TAAR2: variants seen among roughly 807,000 people sequenced by gnomAD.
TAAR2 encodes the protein trace amine associated receptor 2.
Under a neutral mutation model 25.5 loss-of-function variants are expected in TAAR2, and 30 were observed. The ratio of observed to expected loss-of-function variants is 1.18; its 90% CI spans 0.88 to 1.60. TAAR2 has a LOEUF of 1.60. Ranked by LOEUF, TAAR2 falls within the 40% of genes most tolerant of loss-of-function variation. The probability of loss-of-function intolerance (pLI) is 0.00; values close to 1 mark genes in which losing one functional copy is unlikely to be tolerated. For synonymous variants in TAAR2, 150 were observed against 142.4 expected (o/e 1.05, Z -0.38); for missense variants, 481 against 416.5 (o/e 1.15, Z -1.35).
rs1003630452 is a variant in TAAR2, at chr6:132,619,605, G to T, written c.61-1460C>A. 7.7e-4 allele frequency among the ~76,000 whole-genome samples: 117 copies of T among 152,102 alleles called. 2 individuals carry two copies. The highest frequency in any genetic ancestry group is 3.9e-4 in the Admixed American group (6 of 15,260). ...AGGAAAGGAAGAAGAAAGCATGAAG[G>T]TCAACCCTGCAGCAGAGATTCTACA... On this transcript the variant is annotated intron_variant, in intron 1 of 1. Transcript: ENST00000367931.
At position 132,618,048 on chromosome 6, in the gene TAAR2, G is replaced by T. The variant is rs1389203364; in HGVS notation, c.158C>A (p.Ser53Tyr). The T allele has an allele frequency of 6.2e-7, 1 of 1,613,982 alleles. No homozygotes were observed. The highest frequency in any genetic ancestry group is 8.5e-7 in the Non-Finnish European group (1 of 1,179,958). Reference sequence around the variant, plus strand: ...ATTGCCAAATATTGTGATGAATATGGATCCTGCCATAAATGAATACATAGC... The same window carrying T: ...ATTGCCAAATATTGTGATGAATATGTATCCTGCCATAAATGAATACATAGC... ...RVAMYSFMAGSIFITIFGNLA... is the reference protein window; with the variant it reads ...RVAMYSFMAGYIFITIFGNLA... Residue 53 changes from serine (S) to tyrosine (Y), a missense_variant, in exon 2 of 2, where the codon TCC becomes TAC. Transcript: ENST00000367931.
chr6:132,618,968 AG>A lies in TAAR2; in HGVS notation c.61-824del, dbSNP rs781635070. Among the ~76,000 whole-genome samples, 3 of 152,284 alleles carry A rather than the reference AG, an allele frequency of 2.0e-5. No homozygotes were observed. In the South Asian group the frequency reaches 6.2e-4, roughly 32 times the overall value. ...TTTTATTCATACGAATGTTGTTTTA[AG>A]GGGGAAGAATCATCTAATGACCTCT... On this transcript the variant is annotated intron_variant, in intron 1 of 1. Coordinates refer to ENST00000367931, the MANE Select transcript of TAAR2 (RefSeq NM_001033080.1).
At chr6:132,622,478 CTTTT>C (rs1156767001) in intron 1 of TAAR2, among the ~76,000 whole-genome samples, 176 of 57,398 alleles carry the variant, frequency 3.1e-3, no homozygotes, top group African/African-American at 0.014. Context: ...TTAGTAACCA[CTTTT>C]TTTTTTTTTT....
chr6:132,617,678 G>A lies in TAAR2; in HGVS notation c.528C>T (p.Phe176=), dbSNP rs61745666. The change falls in exon 2 of 2, where the codon TTC becomes TTT. Residue 176 remains phenylalanine, a synonymous_variant. Coordinates refer to ENST00000367931, the MANE Select transcript of TAAR2 (RefSeq NM_001033080.1). ...LCWSVPGAFA[F]GVVFSEAYAD... Reference sequence around the variant, plus strand: ...CATAGGCCTCTGAGAAGACCACCCCGAAGGCAAATGCTCCAGGGACCGACC... The same window carrying A: ...CATAGGCCTCTGAGAAGACCACCCCAAAGGCAAATGCTCCAGGGACCGACC... The A allele has an allele frequency of 0.051, 82,394 of 1,613,688 alleles. 10,162 individuals are homozygous for A. The highest frequency in any genetic ancestry group is 0.48 in the African/African-American group (36,042 of 74,906).
In TAAR2 at chr6:132,618,124, A is replaced by G. The variant is rs749840448; in HGVS notation, c.82T>C (p.Tyr28His). The change falls in exon 2 of 2, where the codon TAT becomes CAT. Residue 28 changes from tyrosine (Y) to histidine (H), a missense_variant. Transcript: ENST00000367931. ...TKKEKFNCSE[Y>H]GNRSCPENER... ...TTTTCTGGGCAAGATCTATTTCCATATTCAGAGCAATTGAATTTTTCCTTC... is the reference window on the plus strand; with the variant it reads ...TTTTCTGGGCAAGATCTATTTCCATGTTCAGAGCAATTGAATTTTTCCTTC... 1 of 1,581,416 alleles carries G rather than the reference A, an allele frequency of 6.3e-7. No individual in the cohort carries two copies. The highest frequency in any genetic ancestry group is 1.2e-5 in the South Asian group (1 of 85,708).
chr6:132,620,407 A>T (rs1345616689), intron 1 of TAAR2, among the ~76,000 whole-genome samples: 1 of 152,258 alleles, frequency 6.6e-6, no homozygotes, highest in African/African-American at 2.4e-5. Flanking sequence ...TTACAGAAAC[A>T]GCTGACTTAT....
At chr6:132,623,834 G>T (rs17061534) in intron 1 of TAAR2, among the ~76,000 whole-genome samples, 1 of 151,870 alleles carries the variant, frequency 6.6e-6, no homozygotes, top group Non-Finnish European at 1.5e-5. Context: ...AGCATTTAAG[G>T]CTCTAAGTCT....
Position 132,617,286 on chromosome 6 carries a change from T to C in TAAR2, c.920A>G (p.Asn307Ser). ...ATATATTAACGGATTACATGTGGAGTTAAAATAGCCAAACCATGTCAAGGC... is the reference window on the plus strand; with the variant it reads ...ATATATTAACGGATTACATGTGGAGCTAAAATAGCCAAACCATGTCAAGGC... ...FDALTWFGYF[N>S]STCNPLIYGF... Residue 307 changes from asparagine (N) to serine (S), a missense_variant, in exon 2 of 2, where the codon AAC becomes AGC. Transcript: ENST00000367931. 6.2e-7 allele frequency: 1 copy of C among 1,613,508 alleles called. No individual in the cohort carries two copies.
At position 132,617,926 on chromosome 6, in the gene TAAR2, A is replaced by C; in HGVS notation, c.280T>G (p.Phe94Val). Residue 94 changes from phenylalanine (F) to valine (V), a missense_variant, in exon 2 of 2, where the codon TTC becomes GTC. Phe to Val is a conservative substitution (Grantham distance 50, BLOSUM62 -1). Transcript: ENST00000367931. ...ATCATACTATATGGCATGATGGTGAATCCCAGGAGGAAATCAGTGATGGCC... is the reference window on the plus strand; with the variant it reads ...ATCATACTATATGGCATGATGGTGACTCCCAGGAGGAAATCAGTGATGGCC... ...SMAITDFLLG[F>V]TIMPYSMIRS... 1 of 1,614,044 alleles carries C rather than the reference A, an allele frequency of 6.2e-7. No individual in the cohort carries two copies. The highest frequency in any genetic ancestry group is 8.5e-7 in the Non-Finnish European group (1 of 1,179,964).
At position 132,617,533 on chromosome 6, in the gene TAAR2, T is replaced by C; in HGVS notation, c.673A>G (p.Met225Val). Residue 225 changes from methionine (M) to valine (V), a missense_variant, in exon 2 of 2, where the codon ATG becomes GTG. Physicochemically the swap from Met to Val is conservative, Grantham distance 21. Coordinates refer to ENST00000367931, the MANE Select transcript of TAAR2 (RefSeq NM_001033080.1). ...AAAATTTTGCCATAAATCCCCACCA[T>C]CATAGACCCAGGAGTGAAGAAACCT... ...MAGFFTPGSM[M>V]VGIYGKIFAV... The C allele has an allele frequency of 3.7e-6, 6 of 1,613,970 alleles. No individual in the cohort carries two copies. Among genetic ancestry groups the C allele is most frequent in the Non-Finnish European group, 5.1e-6 (6 of 1,179,968 alleles).
intron 1 of TAAR2, among the ~76,000 whole-genome samples, chr6:132,620,238 G>A (rs1047165208): frequency 3.9e-5 from 6 of 152,176 alleles, no homozygotes; most frequent in Admixed American, 2.0e-4. Flanking sequence ...CAGGGGCCTC[G>A]TCCCCACTTG....
At chr6:132,620,565 A>G (rs552718525) in intron 1 of TAAR2, among the ~76,000 whole-genome samples, 27 of 152,250 alleles carry the variant, frequency 1.8e-4, no homozygotes, top group African/African-American at 6.5e-4. Flanking sequence ...AAGCTAAACG[A>G]TGAGAACTTA....
chr6:132,617,643 A>G lies in TAAR2; in HGVS notation c.563T>C (p.Ile188Thr), dbSNP rs775360366. ...VVFSEAYADG[I>T]EGYDILVACS... ...AGCAACCAAGATGTCATAGCCCTCT[A>G]TTCCATCTGCATAGGCCTCTGAGAA... The change falls in exon 2 of 2, where the codon ATA (isoleucine) becomes ACA (threonine). Residue 188 changes from isoleucine to threonine, a missense_variant. Coordinates refer to ENST00000367931, the MANE Select transcript of TAAR2 (RefSeq NM_001033080.1). The G allele has an allele frequency of 1.1e-5, 18 of 1,613,834 alleles. No homozygotes were observed. The Admixed American group carries it at 2.0e-4, about 18-fold the overall frequency.
At position 132,617,894 on chromosome 6, in the gene TAAR2, C is replaced by T. The variant is rs1042603805; in HGVS notation, c.312G>A (p.Ser104=). The T allele has an allele frequency of 5.6e-6, 9 of 1,613,846 alleles. No homozygotes were observed. The highest frequency in any genetic ancestry group is 4.5e-5 in the East Asian group (2 of 44,832). Residue 104 remains serine, a synonymous_variant, in exon 2 of 2, where the codon TCG becomes TCA. Coordinates refer to ENST00000367931, the MANE Select transcript of TAAR2 (RefSeq NM_001033080.1). ...FTIMPYSMIR[S]VENCWYFGLT... is the part of the protein sequence containing the mutation. ...GCCCAAAATACCAGCAGTTCTCCACCGATCTGATCATACTATATGGCATGA... is the reference window on the plus strand; with the variant it reads ...GCCCAAAATACCAGCAGTTCTCCACTGATCTGATCATACTATATGGCATGA...
chr6:132,620,648 G>C (rs921260792), intron 1 of TAAR2, among the ~76,000 whole-genome samples: 13 of 152,060 alleles, frequency 8.5e-5, no homozygotes, highest in African/African-American at 2.9e-4. Flanking sequence ...CGGGAGGAGG[G>C]AGAAGAGCAG....
chr6:132,624,099 C>T (rs554696110), intron 1 of TAAR2, 117 bp downstream of exon 1: 8 of 1,002,264 alleles, frequency 8.0e-6, no homozygotes, highest in East Asian at 2.6e-5. Flanking sequence ...TTCATCAACC[C>T]TTTTAGATCT....
rs1777313901 is a variant in TAAR2 at position 132,617,599 on chromosome 6, C to G, written c.607G>C (p.Val203Leu). 1 of 1,613,900 alleles carries G rather than the reference C, an allele frequency of 6.2e-7. No homozygotes were observed. The highest frequency in any genetic ancestry group is 1.1e-5 in the South Asian group (1 of 91,088). Residue 203 changes from valine (V) to leucine (L), a missense_variant, in exon 2 of 2, where the codon GTG becomes CTG. Coordinates refer to ENST00000367931, the MANE Select transcript of TAAR2 (RefSeq NM_001033080.1). ...GTCCCCCATAGCTTGTTGAACATCA[C>G]TGGGCAGGAACTGGAACAAGCAACC... Reference protein sequence around the residue: ...ILVACSSSCPVMFNKLWGTTL... With the variant: ...ILVACSSSCPLMFNKLWGTTL...
At chr6:132,622,633 G>A (rs770813227) in intron 1 of TAAR2, among the ~76,000 whole-genome samples, 24 of 151,466 alleles carry the variant, frequency 1.6e-4, no homozygotes, top group Non-Finnish European at 2.7e-4. Context: ...CTACAGGCAC[G>A]TGCCACCACA....
In TAAR2 at chr6:132,624,248, G is replaced by A. The variant is rs1469156665; in HGVS notation, c.28C>T (p.Leu10Phe). 6.2e-7 allele frequency: 1 copy of A among 1,613,506 alleles called. No homozygotes were observed. Among genetic ancestry groups the A allele is most frequent in the South Asian group, 1.1e-5 (1 of 91,068 alleles). The change falls in exon 1 of 2, where the codon CTT (leucine) becomes TTT (phenylalanine). Residue 10 changes from leucine to phenylalanine, a missense_variant. Coordinates refer to ENST00000367931, the MANE Select transcript of TAAR2 (RefSeq NM_001033080.1). ...GTCTGTGTTCTTTTGAAATGTGAAA[G>A]TTCATGTTGCTCTGATGAGACAGCC... MAVSSEQHELSHFKRTQTKK... is the reference protein window; with the variant it reads MAVSSEQHEFSHFKRTQTKK...
Sources: allele counts gnomAD v4.1 joint callset (sites outside exome capture counted in the v4.1 genomes callset), GRCh38; gene constraint gnomAD v4.1.1; transcripts MANE v1.5; gene names NCBI Gene and HGNC (gene_info 2026-07-23, HGNC 2026-07-21).